Variants in PRELID2 observed in about 807,000 individuals in gnomAD.
PRELID2 encodes the protein PRELI domain containing 2, also known as PRELI domain-containing protein 2.
In PRELID2, 25 loss-of-function variants were observed where a neutral mutation model predicts 28.4. The ratio of observed to expected loss-of-function variants is 0.88; its 90% CI spans 0.64 to 1.23. The LOEUF is 1.23. Ranked by LOEUF, PRELID2 falls within the 50% of genes most tolerant of loss-of-function variation. The probability of loss-of-function intolerance (pLI) is 0.00; values close to 1 mark genes in which losing one functional copy is unlikely to be tolerated. For missense variants in PRELID2, 201 were observed against 214.4 expected (o/e 0.94, Z 0.39); for synonymous variants, 76 against 71.6 (o/e 1.06, Z -0.31).
intron 1 of PRELID2, among the ~76,000 whole-genome samples, chr5:145,626,536 G>T (rs1483520864): frequency 6.6e-6 from 1 of 151,998 alleles, no homozygotes; most frequent in East Asian, 1.9e-4. Context: ...TATTGGCAAG[G>T]ATGCAGAGAA....
At chr5:145,607,414 A>C (rs1753521152) in intron 1 of PRELID2, among the ~76,000 whole-genome samples, 2 of 152,070 alleles carry the variant, frequency 1.3e-5, no homozygotes, top group African/African-American at 4.8e-5. Flanking sequence ...CCACTGCTTT[A>C]GCTGTGTCCC....
intron 1 of PRELID2, among the ~76,000 whole-genome samples, chr5:145,595,338 C>T (rs1172020115): frequency 2.0e-5 from 3 of 152,128 alleles, no homozygotes; most frequent in African/African-American, 7.2e-5. Context: ...AGAGAGAAAG[C>T]AAAGTCTTTT....
chr5:145,481,623 C>CAAAAAAAAAAAAAAAAAAAAAAAGAA (rs1752160492), intron 1 of PRELID2, among the ~76,000 whole-genome samples: 1 of 41,862 alleles, frequency 2.4e-5, no homozygotes, highest in African/African-American at 1.2e-4. Context: ...GCAAGGAAAT[C>CAAAAAAAAAAAAAAAAAAAAAAAGAA]AAAAAAAAAA....
chr5:145,664,463 C>T (rs540374239), intron 1 of PRELID2, among the ~76,000 whole-genome samples: 14 of 152,256 alleles, frequency 9.2e-5, no homozygotes, highest in African/African-American at 3.4e-4. Flanking sequence ...AGGAATTTCT[C>T]TTCTTGAATT....
At chr5:145,544,343 C>T (rs1249768421) in intron 1 of PRELID2, among the ~76,000 whole-genome samples, 1 of 152,106 alleles carries the variant, frequency 6.6e-6, no homozygotes, top group Non-Finnish European at 1.5e-5. Flanking sequence ...TAATTTCATA[C>T]TCATCAAACA....
intron 1 of PRELID2, among the ~76,000 whole-genome samples, chr5:145,581,926 CA>C (rs1753111119): frequency 6.6e-6 from 1 of 151,918 alleles, no homozygotes; most frequent in African/African-American, 2.4e-5. Context: ...TTTTTTGTTC[CA>C]AATCAACTGA....
intron 5 of PRELID2, among the ~76,000 whole-genome samples, chr5:145,792,666 G>A (rs1020269282): frequency 3.1e-4 from 47 of 151,982 alleles, no homozygotes; most frequent in African/African-American, 9.9e-4. Flanking sequence ...AAGTGCTGGT[G>A]GAATTGAACT....
intron 1 of PRELID2, among the ~76,000 whole-genome samples, chr5:145,616,197 T>A (rs534009016): frequency 1.3e-5 from 2 of 152,218 alleles, no homozygotes; most frequent in Non-Finnish European, 2.9e-5. Flanking sequence ...TAACTTTACA[T>A]AACCTGATGA....
intron 1 of PRELID2, among the ~76,000 whole-genome samples, chr5:145,596,943 G>C (rs1403791354): frequency 6.6e-6 from 1 of 152,122 alleles, no homozygotes; most frequent in Non-Finnish European, 1.5e-5. Context: ...TTAGTCATTT[G>C]TCACTGTTCC....
chr5:145,340,341 G>A, the PRELID2 span, among the ~76,000 whole-genome samples: 4 of 152,060 alleles, frequency 2.6e-5, no homozygotes, highest in East Asian at 1.9e-4. Context: ...CATGGGTTCC[G>A]GTAGGTTGCT....
At chr5:145,284,279 C>CTT in the PRELID2 span, among the ~76,000 whole-genome samples, 1 of 152,016 alleles carries the variant, frequency 6.6e-6, no homozygotes, top group Non-Finnish European at 1.5e-5. Context: ...AGTAGTTTTG[C>CTT]TTTTTTGTTT....
chr5:145,725,941 G>T (rs1180534793), intron 1 of PRELID2, among the ~76,000 whole-genome samples: 1 of 152,132 alleles, frequency 6.6e-6, no homozygotes, highest in Non-Finnish European at 1.5e-5. Context: ...CCAGCACTTT[G>T]GTAGGCCAAG....
At chr5:145,774,132 G>A (rs1758266246) in intron 5 of PRELID2, among the ~76,000 whole-genome samples, 1 of 152,286 alleles carries the variant, frequency 6.6e-6, no homozygotes. Flanking sequence ...TTATTATGGG[G>A]TTACTGTATG....
At chr5:145,302,060 A>G in the PRELID2 span, among the ~76,000 whole-genome samples, 2 of 151,748 alleles carry the variant, frequency 1.3e-5, no homozygotes, top group Admixed American at 6.6e-5. Context: ...GATTCATTAG[A>G]TAAATTTGGA....
At chr5:145,273,405 G>A in the PRELID2 span, among the ~76,000 whole-genome samples, 27 of 152,104 alleles carry the variant, frequency 1.8e-4, no homozygotes, top group African/African-American at 5.3e-4. Flanking sequence ...GGGAAACTCC[G>A]ATGTAACCAA....
At chr5:145,406,541 C>T in the PRELID2 span, among the ~76,000 whole-genome samples, 1 of 152,094 alleles carries the variant, frequency 6.6e-6, no homozygotes, top group Non-Finnish European at 1.5e-5. Flanking sequence ...GGAAAATATG[C>T]ATACATTGTG....
chr5:145,563,116 G>C (rs1293839489), intron 1 of PRELID2, among the ~76,000 whole-genome samples: 2 of 152,200 alleles, frequency 1.3e-5, no homozygotes, highest in African/African-American at 4.8e-5. Context: ...CTTGGCCAAT[G>C]ATCTTATCCT....
At chr5:145,378,188 G>T in the PRELID2 span, among the ~76,000 whole-genome samples, 5 of 152,094 alleles carry the variant, frequency 3.3e-5, no homozygotes, top group Non-Finnish European at 7.4e-5. Context: ...TTTGCAAATG[G>T]CCTGACCTTT....
intron 1 of PRELID2, chr5:145,704,298 G>A (rs569528436): frequency 2.6e-5 from 4 of 152,244 alleles, no homozygotes; most frequent in African/African-American, 9.6e-5. Flanking sequence ...GCTGCAACCT[G>A]GAAACAATGT....
Sources: allele counts gnomAD v4.1 joint callset (sites outside exome capture counted in the v4.1 genomes callset), GRCh38; gene constraint gnomAD v4.1.1; transcripts MANE v1.5; gene names NCBI Gene and HGNC (gene_info 2026-07-23, HGNC 2026-07-21).